The following MYLIP variants were observed in gnomAD, a reference collection of about 807,000 sequenced individuals.
MYLIP encodes E3 ubiquitin-protein ligase MYLIP.
Under a neutral mutation model 45.8 loss-of-function variants are expected in MYLIP, and 26 were observed. That is an observed-to-expected ratio of 0.57 (90% CI 0.42 to 0.79). The LOEUF is 0.79. Among genes scored for constraint, MYLIP ranks in the 30% least tolerant of loss-of-function variants. The probability of loss-of-function intolerance (pLI) is 0.00; values close to 1 mark genes in which losing one functional copy is unlikely to be tolerated. For missense variants in MYLIP, 494 were observed against 555.6 expected (o/e 0.89, Z 1.11); for synonymous variants, 213 against 218.1 (o/e 0.98, Z 0.21).
At chr6:16,160,232 A>G in the MYLIP span, among the ~76,000 whole-genome samples, 1 of 152,194 alleles carries the variant, frequency 6.6e-6, no homozygotes, top group South Asian at 2.1e-4. Flanking sequence ...CTAGAGCCAT[A>G]TATACCACAA....
At chr6:16,151,802 T>C (rs1468354294), downstream of MYLIP, among the ~76,000 whole-genome samples, 1 of 152,170 alleles carries the variant, frequency 6.6e-6, no homozygotes, top group East Asian at 1.9e-4. Flanking sequence ...AAAATACACT[T>C]TAAGCAAAAG....
chr6:16,141,578 T>A, intron 2 of MYLIP, 47 bp from the exon 3 acceptor site: 1 of 1,515,658 alleles, frequency 6.6e-7, no homozygotes, highest in Non-Finnish European at 9.0e-7. Flanking sequence ...CTGAGATTGA[T>A]GTCAGGTTAT....
chr6:16,161,225 A>G, the MYLIP span: 5 of 305,220 alleles, frequency 1.6e-5, no homozygotes, highest in Admixed American at 1.1e-4. Context: ...TGTGTTCCGA[A>G]TCATCCTTCT....
intron 2 of MYLIP, among the ~76,000 whole-genome samples, chr6:16,137,629 A>G (rs746135355): frequency 3.3e-5 from 5 of 152,206 alleles, no homozygotes; most frequent in Non-Finnish European, 7.4e-5. Context: ...GAGCAGATGA[A>G]CAACTTCCAA....
At chr6:16,157,637 T>C in the MYLIP span, among the ~76,000 whole-genome samples, 5 of 152,246 alleles carry the variant, frequency 3.3e-5, no homozygotes, top group Non-Finnish European at 7.3e-5. Context: ...TTGCACATGC[T>C]TCTTGGATCT....
intron 3 of MYLIP, among the ~76,000 whole-genome samples, chr6:16,142,711 A>G (rs1759698557): frequency 6.6e-6 from 1 of 152,224 alleles, no homozygotes; most frequent in Non-Finnish European, 1.5e-5. Context: ...TATGTGGACA[A>G]ATGCATGAGA....
At chr6:16,137,219 A>G (rs1759573947) in intron 2 of MYLIP, among the ~76,000 whole-genome samples, 1 of 152,246 alleles carries the variant, frequency 6.6e-6, no homozygotes. Context: ...CAAAACAGAA[A>G]ACTCTCATAG....
At position 16,144,980 on chromosome 6, in the gene MYLIP, A is replaced by G; in HGVS notation, c.911A>G (p.Asn304Ser). 1 of 1,614,226 alleles carries G rather than the reference A, an allele frequency of 6.2e-7. No individual in the cohort carries two copies. Reference sequence around the variant, plus strand: ...TTGGCATCTCTGTTTCTGAATGAAAACATTAACCTTGGCAAGAAATATGTC... The same window carrying G: ...TTGGCATCTCTGTTTCTGAATGAAAGCATTAACCTTGGCAAGAAATATGTC... ...GHLASLFLNE[N>S]INLGKKYVFD... Residue 304 changes from asparagine (N) to serine (S), a missense_variant, in exon 6 of 7, where the codon AAC becomes AGC. Asn to Ser is a conservative substitution (Grantham distance 46). Transcript: ENST00000356840.
chr6:16,134,846 T>C (rs1418215101), intron 2 of MYLIP, among the ~76,000 whole-genome samples: 2 of 152,394 alleles, frequency 1.3e-5, no homozygotes, highest in East Asian at 3.9e-4. Context: ...TATATGTGTT[T>C]ATTTCAGCCA....
At position 16,129,599 on chromosome 6, in the gene MYLIP, G is replaced by A. The variant is rs576065806; in HGVS notation, c.87+190G>A. 1.1e-3 allele frequency among the ~76,000 whole-genome samples: 168 copies of A among 152,248 alleles called. No individual in the cohort carries two copies. The highest frequency in any genetic ancestry group is 3.9e-3 in the African/African-American group (163 of 41,568). ...TCTCCTCCTGGCGCGCGTGGGGTGC[G>A]CGGAGAAAGCGCGCAGCGGGGGTCC... On this transcript the variant is annotated intron_variant, in intron 1 of 6. Transcript: ENST00000356840. The surrounding 1 kb of genome is among the most constrained non-coding windows in gnomAD (Gnocchi z 5.1).
chr6:16,146,193 G>A (rs1417552652), intron 6 of MYLIP, among the ~76,000 whole-genome samples: 1 of 152,224 alleles, frequency 6.6e-6, no homozygotes, highest in Admixed American at 6.5e-5. Context: ...GGAATGTGGA[G>A]CTGCCACCTA....
At chr6:16,155,186 C>A in the MYLIP span, among the ~76,000 whole-genome samples, 1 of 152,182 alleles carries the variant, frequency 6.6e-6, no homozygotes, top group African/African-American at 2.4e-5. Flanking sequence ...AGCTGTGCAG[C>A]GGACCCCCAA....
the MYLIP span, among the ~76,000 whole-genome samples, chr6:16,158,510 A>G: frequency 0.36 from 54,363 of 152,076 alleles, 12,674 homozygotes; most frequent in East Asian, 0.72. Context: ...AAAACTATAT[A>G]TACATCTATA....
At chr6:16,134,946 G>A (rs1290921696) in intron 2 of MYLIP, among the ~76,000 whole-genome samples, 2 of 151,896 alleles carry the variant, frequency 1.3e-5, no homozygotes, top group African/African-American at 4.8e-5. Flanking sequence ...TTTTTAAAAC[G>A]ACATGTAAAA....
Position 16,143,291 on chromosome 6 carries a change from G to A in MYLIP, c.662+74G>A. The A allele has an allele frequency of 2.8e-6, 4 of 1,437,744 alleles. No homozygotes were observed. In the Admixed American group the frequency reaches 6.9e-5, roughly 25 times the overall value. The allele number at this position is 1,437,744 out of a possible 1,614,324, so 89.1% of individuals were successfully genotyped here. ...TAGCTGTCAATGTAATAGAAAATAG[G>A]AAGGGATTTACTCGACAGTCAGCTC... is the stretch of plus-strand genomic sequence containing the variant. On this transcript the variant is annotated intron_variant, in intron 4 of 6. Transcript: ENST00000356840.
rs754002036 is a variant in MYLIP at position 16,146,680 on chromosome 6, T to A, written c.1267T>A (p.Ser423Thr). ...TTCCCAGTCATGTCCCGTCTGCAGG[T>A]CGCGTGTGGAGCATGTCCAGCACGT... ...AQLQSCPVCR[S>T]RVEHVQHVYL... is the part of the protein sequence containing the mutation. Residue 423 changes from serine (S) to threonine (T), a missense_variant, in exon 7 of 7, where the codon TCG becomes ACG. Coordinates refer to ENST00000356840, the MANE Select transcript of MYLIP (RefSeq NM_013262.4). The A allele has an allele frequency of 2.5e-6, 4 of 1,611,054 alleles. No homozygotes were observed. The highest frequency in any genetic ancestry group is 3.4e-6 in the Non-Finnish European group (4 of 1,178,342).
At position 16,129,675 on chromosome 6, in the gene MYLIP, C is replaced by T. The variant is rs1305902377; in HGVS notation, c.87+266C>T. ...CGCAGCCGGGATCCACCCCCCAGCG[C>T]CCCATCATCCCCCCAACCCAGCACT... is the stretch of plus-strand genomic sequence containing the variant. On this transcript the variant is annotated intron_variant, in intron 1 of 6. Transcript: ENST00000356840. This position sits in a 1 kb window ranked among gnomAD's most constrained non-coding sequence, Gnocchi z 5.1. Among the ~76,000 whole-genome samples the T allele has an allele frequency of 6.6e-6, 1 of 152,198 alleles. No individual in the cohort carries two copies. Among genetic ancestry groups the T allele is most frequent in the Admixed American group, 6.5e-5 (1 of 15,288 alleles).
intron 5 of MYLIP, 56 bp from the exon 6 acceptor site, chr6:16,144,841 T>A: frequency 6.5e-7 from 1 of 1,546,610 alleles, no homozygotes; most frequent in East Asian, 2.3e-5. Context: ...CAACAGCGAA[T>A]AAGGGTGCTG....
At chr6:16,132,309 G>T (rs1759473854) in intron 2 of MYLIP, among the ~76,000 whole-genome samples, 1 of 152,074 alleles carries the variant, frequency 6.6e-6, no homozygotes, top group Non-Finnish European at 1.5e-5. Flanking sequence ...CTGTAATTGG[G>T]TTAGTAACTA....
Sources: gnomAD v4.1 joint callset for allele counts (sites outside exome capture counted in the v4.1 genomes callset) on GRCh38, gnomAD v4.1.1 for gene constraint, Gnocchi (gnomAD v3.1) non-coding constraint, MANE v1.5 for transcripts, NCBI Gene and HGNC (gene_info 2026-07-23, HGNC 2026-07-21) for gene names.